ZNF362: variants seen among roughly 807,000 people sequenced by gnomAD.
ZNF362 encodes the protein rotund homolog.
Under a neutral mutation model 42.9 loss-of-function variants are expected in ZNF362, and 11 were observed. That is an observed-to-expected ratio of 0.26 (90% confidence interval 0.16 to 0.42). ZNF362 has a LOEUF of 0.42. Ranked by LOEUF, ZNF362 falls within the 20% of genes least tolerant of loss-of-function variation. The pLI is 1.00. For missense variants in ZNF362, 362 were observed against 576.2 expected, an observed-to-expected ratio of 0.63 and a Z score of 3.81; for synonymous variants, 255 against 257.3, an observed-to-expected ratio of 0.99 and a Z score of 0.09.
chr1:33,284,231 C>T (rs1646016567), intron 6 of ZNF362, among the ~76,000 whole-genome samples: 1 of 152,214 alleles, frequency 6.6e-6, no homozygotes, highest in Non-Finnish European at 1.5e-5. Context: ...CAGGTCCAGT[C>T]CGGTTTCCTG....
chr1:33,278,490 T>C (rs1228723501), intron 4 of ZNF362, among the ~76,000 whole-genome samples: 1 of 152,270 alleles, frequency 6.6e-6, no homozygotes, highest in African/African-American at 2.4e-5. Flanking sequence ...TTTTGTCCTT[T>C]AATCACAGAT....
chr1:33,190,259 G>C, the ZNF362 span, among the ~76,000 whole-genome samples: 4 of 152,068 alleles, frequency 2.6e-5, no homozygotes, highest in Admixed American at 2.6e-4. Flanking sequence ...GGAACTTCAG[G>C]GTCTATTAGC....
the ZNF362 span, among the ~76,000 whole-genome samples, chr1:33,240,729 C>T: frequency 6.6e-6 from 1 of 152,250 alleles, no homozygotes; most frequent in African/African-American, 2.4e-5. Flanking sequence ...TCCCATATCC[C>T]TGTGTTTAAA....
At chr1:33,226,591 G>A in the ZNF362 span, among the ~76,000 whole-genome samples, 4,216 of 152,264 alleles carry the variant, frequency 0.028, 184 homozygotes, top group African/African-American at 0.096. Context: ...GAGGCCGGGC[G>A]CCATGGCTCA....
the ZNF362 span, among the ~76,000 whole-genome samples, chr1:33,185,419 A>C: frequency 6.6e-6 from 1 of 151,828 alleles, no homozygotes. Flanking sequence ...AGGGGGTTTC[A>C]CCATGTTGGC....
the ZNF362 span, among the ~76,000 whole-genome samples, chr1:33,190,723 C>T: frequency 6.6e-6 from 1 of 152,230 alleles, no homozygotes; most frequent in Non-Finnish European, 1.5e-5. Context: ...TCTGTATCAA[C>T]TTGTGTAGTG....
At chr1:33,257,237 C>G (rs1354900409) in intron 1 of ZNF362, among the ~76,000 whole-genome samples, 2 of 151,740 alleles carry the variant, frequency 1.3e-5, no homozygotes, top group African/African-American at 4.8e-5. Context: ...AGGGGGCACC[C>G]GAAGGGTTGG....
At chr1:33,257,938 C>T (rs1328209206) in intron 1 of ZNF362, among the ~76,000 whole-genome samples, 1 of 152,156 alleles carries the variant, frequency 6.6e-6, no homozygotes, top group Non-Finnish European at 1.5e-5. Flanking sequence ...GAGCCCCCTC[C>T]CCAACCTGGT....
the ZNF362 span, among the ~76,000 whole-genome samples, chr1:33,213,629 G>A: frequency 2.0e-5 from 3 of 152,086 alleles, no homozygotes; most frequent in Admixed American, 1.3e-4. Flanking sequence ...GGTGGATCAC[G>A]ATGTCAAGAG....
At chr1:33,226,939 A>G in the ZNF362 span, among the ~76,000 whole-genome samples, 58 of 152,236 alleles carry the variant, frequency 3.8e-4, no homozygotes, top group Non-Finnish European at 6.8e-4. Context: ...ACCACATACT[A>G]TATGGTTTCA....
chr1:33,189,659 ATATATATATATATG>A, the ZNF362 span, among the ~76,000 whole-genome samples: 2 of 24,020 alleles, frequency 8.3e-5, no homozygotes, highest in Non-Finnish European at 1.3e-4. Flanking sequence ...ATATATATAT[ATATATATATATATG>A]TATATATATA....
chr1:33,238,595 C>T, the ZNF362 span, among the ~76,000 whole-genome samples: 1,383 of 152,088 alleles, frequency 9.1e-3, 16 homozygotes, highest in African/African-American at 0.032. Context: ...GTAGCCAGAG[C>T]GAAGGGAGTT....
the ZNF362 span, among the ~76,000 whole-genome samples, chr1:33,218,099 A>G: frequency 4.7e-3 from 719 of 152,284 alleles, 7 homozygotes; most frequent in African/African-American, 0.016. Context: ...TTAAACATAT[A>G]TTCTTTTGCA....
the ZNF362 span, among the ~76,000 whole-genome samples, chr1:33,134,762 C>T: frequency 3.3e-5 from 5 of 152,226 alleles, no homozygotes; most frequent in African/African-American, 4.8e-5. Flanking sequence ...TGCGCCTGCC[C>T]TCTCTGGGAC....
At chr1:33,222,797 CTAGTGATGTGGTTTGGCTGTG>C in the ZNF362 span, among the ~76,000 whole-genome samples, 1 of 152,248 alleles carries the variant, frequency 6.6e-6, no homozygotes, top group Admixed American at 6.5e-5. Context: ...TTTGAGTACC[CTAGTGATGTGGTTTGGCTGTG>C]TCCCCACCCA....
At chr1:33,193,614 A>C in the ZNF362 span, among the ~76,000 whole-genome samples, 2 of 152,232 alleles carry the variant, frequency 1.3e-5, no homozygotes, top group Non-Finnish European at 2.9e-5. Flanking sequence ...ATTGAGGGGT[A>C]ATGCCTGTAA....
intron 1 of ZNF362, among the ~76,000 whole-genome samples, chr1:33,261,954 A>G (rs925153752): frequency 6.6e-6 from 1 of 152,216 alleles, no homozygotes; most frequent in Admixed American, 6.5e-5. Flanking sequence ...CTACCCCTGT[A>G]CAATGGGGGC....
chr1:33,175,971 G>T, the ZNF362 span, among the ~76,000 whole-genome samples: 2 of 152,262 alleles, frequency 1.3e-5, no homozygotes, highest in Middle Eastern at 3.4e-3. Context: ...ACTGTGGCCC[G>T]TGCTCAGCAA....
the ZNF362 span, among the ~76,000 whole-genome samples, chr1:33,150,899 A>G: frequency 6.6e-6 from 1 of 152,220 alleles, no homozygotes; most frequent in Admixed American, 6.5e-5. Flanking sequence ...GTGCCCAGGC[A>G]TGAACAGCAG....
Sources: allele counts gnomAD v4.1 joint callset (sites outside exome capture counted in the v4.1 genomes callset), GRCh38; gene constraint gnomAD v4.1.1; transcripts MANE v1.5; gene names NCBI Gene and HGNC (gene_info 2026-07-23, HGNC 2026-07-21).